Variants in CUX1 observed in about 807,000 individuals in gnomAD.
CUX1 encodes protein CASP.
Under a neutral mutation model 158.8 loss-of-function variants are expected in CUX1, and 31 were observed. The ratio of observed to expected loss-of-function variants is 0.20; its 90% CI spans 0.15 to 0.26. The LOEUF (loss-of-function observed/expected upper bound fraction) is 0.26, where lower values mean the gene tolerates loss of function less well. Ranked by LOEUF, CUX1 falls within the 10% of genes least tolerant of loss-of-function variation. The pLI is 1.00. For synonymous variants in CUX1, 879 were observed against 862.1 expected (o/e 1.02, Z -0.34); for missense variants, 1,589 against 2,014.6 (o/e 0.79, Z 4.04).
chr7:102,275,209 TC>T, intron 16 of CUX1: 1 of 1,509,930 alleles, frequency 6.6e-7, no homozygotes, highest in Non-Finnish European at 9.0e-7. Context: ...GGGTTCCACC[TC>T]CTGCCACCCC....
At chr7:101,983,778 G>A (rs558371312) in intron 2 of CUX1, among the ~76,000 whole-genome samples, 25 of 152,050 alleles carry the variant, frequency 1.6e-4, no homozygotes, top group African/African-American at 6.0e-4. Context: ...CAGGAGGTGG[G>A]CACCAAGCCA....
chr7:101,870,870 C>T (rs1216915688), intron 1 of CUX1, among the ~76,000 whole-genome samples: 2 of 152,198 alleles, frequency 1.3e-5, no homozygotes, highest in African/African-American at 4.8e-5. Flanking sequence ...AGAATAGATG[C>T]TTATGAAGTC....
intron 2 of CUX1, among the ~76,000 whole-genome samples, chr7:101,989,106 G>C (rs118081181): frequency 6.6e-5 from 10 of 152,086 alleles, no homozygotes; most frequent in Admixed American, 5.2e-4. Flanking sequence ...TCCAAGGCTC[G>C]GCTCAGGGGC....
chr7:102,230,743 T>C (rs141897026), intron 21 of CUX1, among the ~76,000 whole-genome samples: 5 of 152,342 alleles, frequency 3.3e-5, no homozygotes, highest in African/African-American at 1.2e-4. Context: ...TCATCAGTTA[T>C]TGAATCATGC....
chr7:101,839,587 C>A (rs1028872567), intron 1 of CUX1, among the ~76,000 whole-genome samples: 5 of 152,048 alleles, frequency 3.3e-5, no homozygotes, highest in African/African-American at 1.2e-4. Context: ...CCAGGGAAGT[C>A]GATCTTTGCG....
At chr7:102,132,327 GCCACGCACA>G (rs1833376113) in intron 8 of CUX1, among the ~76,000 whole-genome samples, 3 of 148,924 alleles carry the variant, frequency 2.0e-5, no homozygotes, top group Non-Finnish European at 4.5e-5. Flanking sequence ...GCGCGCGCAC[GCCACGCACA>G]CACGCATCTT....
At chr7:102,277,289 C>A (rs1791676983) in intron 17 of CUX1, among the ~76,000 whole-genome samples, 1 of 151,948 alleles carries the variant, frequency 6.6e-6, no homozygotes, top group Non-Finnish European at 1.5e-5. Context: ...AGAGCAAGAC[C>A]CTGTCTCTAA....
Position 102,234,778 on chromosome 7 carries a change from A to T in CUX1, c.3622+538A>T, listed in dbSNP as rs1041510964. On this transcript the variant is annotated intron_variant, in intron 22 of 23. Coordinates refer to ENST00000292535, the MANE Select transcript of CUX1 (RefSeq NM_181552.4). ...CTACTAAAAAAAAAAAAAAAAAAAA[A>T]ATATAGCCAAGCTTGGTGGCGTGCG... 2.2e-3 allele frequency among the ~76,000 whole-genome samples: 324 copies of T among 148,998 alleles called. 1 individual carries two copies. Among genetic ancestry groups the T allele is most frequent in the African/African-American group, 6.2e-3 (248 of 39,912 alleles).
At chr7:101,840,922 C>G (rs2131152107) in intron 1 of CUX1, among the ~76,000 whole-genome samples, 1 of 151,618 alleles carries the variant, frequency 6.6e-6, no homozygotes, top group South Asian at 2.1e-4. Context: ...GAGACGGAGT[C>G]TTGCTCTATC....
chr7:101,883,370 T>C (rs991579908), intron 1 of CUX1, among the ~76,000 whole-genome samples: 10 of 152,186 alleles, frequency 6.6e-5, no homozygotes. Context: ...ATAGTAATTG[T>C]TGGCTTGCCT....
chr7:102,142,562 C>T (rs1448639767), intron 8 of CUX1, among the ~76,000 whole-genome samples: 1 of 152,032 alleles, frequency 6.6e-6, no homozygotes, highest in Non-Finnish European at 1.5e-5. Context: ...GAATTTGAGG[C>T]TGCAGTGAGC....
At chr7:101,995,740 T>C (rs545256017) in intron 2 of CUX1, among the ~76,000 whole-genome samples, 1 of 152,132 alleles carries the variant, frequency 6.6e-6, no homozygotes, top group South Asian at 2.1e-4. Flanking sequence ...CCCTGGTGAG[T>C]GGAGAGTTGT....
chr7:101,975,688 A>G (rs1358119780), intron 2 of CUX1, among the ~76,000 whole-genome samples: 1 of 152,240 alleles, frequency 6.6e-6, no homozygotes, highest in African/African-American at 2.4e-5. Context: ...CAAAAAATAT[A>G]TATTGCCTTA....
chr7:102,084,858 CTTTTTTT>C (rs60908109), intron 4 of CUX1, among the ~76,000 whole-genome samples: 57 of 56,058 alleles, frequency 1.0e-3, no homozygotes, highest in Non-Finnish European at 1.5e-3. Flanking sequence ...ATTTTCCTTG[CTTTTTTT>C]TTTTTTTTTT....
chr7:102,179,802 G>T (rs1210482981), intron 11 of CUX1, among the ~76,000 whole-genome samples: 1 of 152,186 alleles, frequency 6.6e-6, no homozygotes, highest in Non-Finnish European at 1.5e-5. Context: ...TTCAGCCCCA[G>T]GCCAGGGGTT....
chr7:102,145,909 T>G (rs2131441200), intron 8 of CUX1, among the ~76,000 whole-genome samples: 1 of 152,314 alleles, frequency 6.6e-6, no homozygotes, highest in African/African-American at 2.4e-5. Flanking sequence ...ATCGTGCCAT[T>G]GCACTCCAGC....
intron 20 of CUX1, among the ~76,000 whole-genome samples, chr7:102,219,197 T>G (rs1295993029): frequency 6.6e-6 from 1 of 150,840 alleles, no homozygotes; most frequent in Admixed American, 6.6e-5. Flanking sequence ...CTGCAGAGGG[T>G]GTGTGTGTGT....
In CUX1 at chr7:101,817,878, T is replaced by C. The variant is rs1015812152; in HGVS notation, c.30+209T>C. On this transcript the variant is annotated intron_variant, in intron 1 of 23. Coordinates refer to ENST00000292535, the MANE Select transcript of CUX1 (RefSeq NM_181552.4). The surrounding 1 kb of genome is among the most constrained non-coding windows in gnomAD (Gnocchi z 4.1). ...GAAGATAAACTTGGCTGAACTTTCC[T>C]AACCTGGAGGACTGGTGACAGTGAC... is the stretch of plus-strand genomic sequence containing the variant. Among the ~76,000 whole-genome samples, 1 of 152,180 alleles carries C rather than the reference T, an allele frequency of 6.6e-6. No homozygotes were observed. Among genetic ancestry groups the C allele is most frequent in the African/African-American group, 2.4e-5 (1 of 41,442 alleles).
intron 2 of CUX1, among the ~76,000 whole-genome samples, chr7:101,943,927 T>C (rs1808037741): frequency 6.9e-6 from 1 of 145,758 alleles, no homozygotes; most frequent in Non-Finnish European, 1.5e-5. Flanking sequence ...GAGACCAGCC[T>C]GGGCAACATA....
Sources: gnomAD v4.1 joint callset for allele counts (sites outside exome capture counted in the v4.1 genomes callset) on GRCh38, gnomAD v4.1.1 for gene constraint, Gnocchi (gnomAD v3.1) non-coding constraint, MANE v1.5 for transcripts, NCBI Gene and HGNC (gene_info 2026-07-23, HGNC 2026-07-21) for gene names.